The following PPM1H variants were observed in gnomAD, a reference collection of about 807,000 sequenced individuals.
PPM1H encodes the protein protein phosphatase 1H.
In PPM1H, 27 loss-of-function variants were observed where a neutral mutation model predicts 54.9. The ratio of observed to expected loss-of-function variants is 0.49; its 90% CI spans 0.36 to 0.68. PPM1H has a LOEUF of 0.68. PPM1H is among the 30% of genes least tolerant of loss of function. PPM1H has a pLI of 0.00. For synonymous variants in PPM1H, 305 were observed against 270.8 expected (o/e 1.13, Z -1.24); for missense variants, 596 against 667.8 (o/e 0.89, Z 1.19).
chr12:62,826,663 A>G (rs553775739), intron 2 of PPM1H, among the ~76,000 whole-genome samples: 23 of 152,200 alleles, frequency 1.5e-4, no homozygotes, highest in Non-Finnish European at 2.6e-4. Context: ...GAAGGTGAAG[A>G]TATATTATAC....
intron 2 of PPM1H, among the ~76,000 whole-genome samples, chr12:62,818,291 A>G (rs1015844563): frequency 3.3e-5 from 5 of 152,174 alleles, no homozygotes; most frequent in Admixed American, 3.3e-4. Flanking sequence ...AATATTTGGG[A>G]ACTAAGAAGA....
intron 3 of PPM1H, among the ~76,000 whole-genome samples, chr12:62,792,307 G>C (rs951794210): frequency 1.3e-5 from 2 of 152,110 alleles, no homozygotes; most frequent in Admixed American, 6.5e-5. Context: ...TTAATAGTGT[G>C]ACTCAATATT....
At chr12:62,651,579 G>C (rs2136594008) in intron 9 of PPM1H, among the ~76,000 whole-genome samples, 1 of 152,276 alleles carries the variant, frequency 6.6e-6, no homozygotes, top group East Asian at 1.9e-4. Flanking sequence ...GAGGGCTGTA[G>C]GTAATTAAGG....
At chr12:62,792,040 G>A (rs1040533235) in intron 3 of PPM1H, among the ~76,000 whole-genome samples, 1 of 152,218 alleles carries the variant, frequency 6.6e-6, no homozygotes, top group Non-Finnish European at 1.5e-5. Context: ...AGGTAGAAAC[G>A]TTATGGTGCA....
At chr12:62,707,254 A>C (rs1470215467) in intron 6 of PPM1H, among the ~76,000 whole-genome samples, 3 of 152,198 alleles carry the variant, frequency 2.0e-5, no homozygotes, top group Non-Finnish European at 2.9e-5. Context: ...GAAAAAGAGG[A>C]GGCCTAATTT....
At chr12:62,781,162 A>G (rs2076639998) in intron 4 of PPM1H, among the ~76,000 whole-genome samples, 1 of 152,194 alleles carries the variant, frequency 6.6e-6, no homozygotes, top group African/African-American at 2.4e-5. Context: ...CTTCACAGCT[A>G]CTCAGGCCTC....
chr12:62,857,517 A>C (rs937277366), intron 1 of PPM1H, among the ~76,000 whole-genome samples: 1 of 152,224 alleles, frequency 6.6e-6, no homozygotes, highest in Non-Finnish European at 1.5e-5. Flanking sequence ...CTCCAAAGAC[A>C]TAACATCTGC....
At chr12:62,865,467 C>T (rs1869742908) in intron 1 of PPM1H, among the ~76,000 whole-genome samples, 1 of 152,228 alleles carries the variant, frequency 6.6e-6, no homozygotes, top group Non-Finnish European at 1.5e-5. Flanking sequence ...AACCTTCCCA[C>T]TAGGAACTTC....
intron 1 of PPM1H, among the ~76,000 whole-genome samples, chr12:62,842,651 C>A (rs902491363): frequency 6.6e-6 from 1 of 152,106 alleles, no homozygotes; most frequent in Non-Finnish European, 1.5e-5. Flanking sequence ...TAAAGTTATA[C>A]AGAAGGGGAC....
In PPM1H at chr12:62,934,844, C is replaced by A; in HGVS notation, c.-108G>T. The A allele has an allele frequency of 8.8e-7, 1 of 1,141,710 alleles. No homozygotes were observed. Among genetic ancestry groups the A allele is most frequent in the South Asian group, 4.3e-5 (1 of 23,090 alleles). 70.7% of individuals were successfully genotyped at this position (1,141,710 alleles called of 1,614,324 possible). A position where few individuals can be genotyped will look rare whatever the true frequency, so the allele number is the denominator to read the frequency against. ...GGTGGGCGCCGGGCGCACGGCGAGTCGGGCCACTGGGACGCGCCGCGCGCG... is the reference window on the plus strand; with the variant it reads ...GGTGGGCGCCGGGCGCACGGCGAGTAGGGCCACTGGGACGCGCCGCGCGCG... On this transcript the variant is annotated 5_prime_UTR_variant, in exon 1 of 10. Coordinates refer to ENST00000228705, the MANE Select transcript of PPM1H (RefSeq NM_020700.2). This position sits in a 1 kb window ranked among gnomAD's most constrained non-coding sequence, Gnocchi z 4.2.
chr12:62,890,971 T>C (rs1363799575), intron 1 of PPM1H, among the ~76,000 whole-genome samples: 1 of 151,242 alleles, frequency 6.6e-6, no homozygotes, highest in Non-Finnish European at 1.5e-5. Flanking sequence ...TAGCCGGGCG[T>C]GGTGGTGGGC....
chr12:62,865,940 C>T (rs753680722), intron 1 of PPM1H, among the ~76,000 whole-genome samples: 3 of 152,216 alleles, frequency 2.0e-5, no homozygotes, highest in Non-Finnish European at 2.9e-5. Context: ...GTAGCCACAG[C>T]GACTATTGGG....
chr12:62,891,104 C>CAAAAA (rs71450596), intron 1 of PPM1H, among the ~76,000 whole-genome samples: 769 of 76,048 alleles, frequency 0.01, 28 homozygotes, highest in African/African-American at 0.037. Flanking sequence ...GCAAGACTCT[C>CAAAAA]AAAAAAAAAA....
At chr12:62,835,158 C>G (rs760515484) in intron 1 of PPM1H, among the ~76,000 whole-genome samples, 10 of 152,184 alleles carry the variant, frequency 6.6e-5, no homozygotes, top group Non-Finnish European at 1.5e-4. Flanking sequence ...GGTGACTCAT[C>G]CACCACTGCC....
chr12:62,858,607 G>T (rs1318614415), intron 1 of PPM1H, among the ~76,000 whole-genome samples: 1 of 152,168 alleles, frequency 6.6e-6, no homozygotes, highest in African/African-American at 2.4e-5. Flanking sequence ...TAGTGTCCCG[G>T]CAGGTCTGCC....
chr12:62,847,833 A>G (rs943273719), intron 1 of PPM1H, among the ~76,000 whole-genome samples: 2 of 152,194 alleles, frequency 1.3e-5, no homozygotes, highest in Admixed American at 1.3e-4. Flanking sequence ...TCAGAAATCT[A>G]GCAACTGAAA....
At chr12:62,858,718 T>C (rs568031400) in intron 1 of PPM1H, among the ~76,000 whole-genome samples, 13 of 152,360 alleles carry the variant, frequency 8.5e-5, no homozygotes, top group African/African-American at 3.1e-4. Flanking sequence ...CAAAATCTTC[T>C]TAAGGCTTTA....
intron 5 of PPM1H, among the ~76,000 whole-genome samples, chr12:62,724,786 C>T (rs2076281148): frequency 6.6e-6 from 1 of 152,048 alleles, no homozygotes; most frequent in Non-Finnish European, 1.5e-5. Context: ...TAATTTTATC[C>T]TTTTCATAAG....
At chr12:62,859,263 T>C (rs1869509708) in intron 1 of PPM1H, among the ~76,000 whole-genome samples, 1 of 151,628 alleles carries the variant, frequency 6.6e-6, no homozygotes, top group Non-Finnish European at 1.5e-5. Context: ...AAGGGGGAAA[T>C]AGTGTGTAAA....
Sources: allele counts gnomAD v4.1 joint callset (sites outside exome capture counted in the v4.1 genomes callset), GRCh38; gene constraint gnomAD v4.1.1; non-coding constraint Gnocchi (gnomAD v3.1); transcripts MANE v1.5; gene names NCBI Gene and HGNC (gene_info 2026-07-23, HGNC 2026-07-21).